Variants in GABRB2 observed in about 807,000 individuals in gnomAD.
The protein encoded by GABRB2 is gamma-aminobutyric acid receptor subunit beta-2.
GABRB2 carries 16 observed loss-of-function variants against 54.7 expected under a neutral mutation model. The ratio of observed to expected loss-of-function variants is 0.29; its 90% confidence interval spans 0.20 to 0.44. The LOEUF is 0.44. GABRB2 is among the 20% of genes least tolerant of loss of function. The pLI is 1.00. For synonymous variants in GABRB2, 244 were observed against 233.8 expected (o/e 1.04, Z -0.40); for missense variants, 355 against 644.0 (o/e 0.55, Z 4.86).
At chr5:161,345,373 A>G (rs1754292786) in intron 5 of GABRB2, among the ~76,000 whole-genome samples, 1 of 152,102 alleles carries the variant, frequency 6.6e-6, no homozygotes, top group Non-Finnish European at 1.5e-5. Flanking sequence ...CAGTTGGGGA[A>G]GTGAGAATTT....
intron 3 of GABRB2, among the ~76,000 whole-genome samples, chr5:161,517,328 T>G (rs1759979966): frequency 6.6e-6 from 1 of 152,178 alleles, no homozygotes; most frequent in Non-Finnish European, 1.5e-5. Flanking sequence ...TAACTCAGAT[T>G]TGAGTTTTTC....
At chr5:161,380,802 A>C (rs1442544014) in intron 5 of GABRB2, among the ~76,000 whole-genome samples, 1 of 152,148 alleles carries the variant, frequency 6.6e-6, no homozygotes, top group Non-Finnish European at 1.5e-5. Flanking sequence ...AGGTGGAAAT[A>C]AAATGGTTGT....
At chr5:161,444,848 T>C (rs760122236) in intron 4 of GABRB2, among the ~76,000 whole-genome samples, 7 of 152,174 alleles carry the variant, frequency 4.6e-5, no homozygotes, top group African/African-American at 9.6e-5. Flanking sequence ...AATGCTTCTC[T>C]TTTTACTCCT....
chr5:161,436,385 T>G (rs775475156), intron 4 of GABRB2, among the ~76,000 whole-genome samples: 3 of 151,828 alleles, frequency 2.0e-5, no homozygotes, highest in Non-Finnish European at 4.4e-5. Context: ...ACAAAAAAAT[T>G]ATCTGGGCAT....
intron 3 of GABRB2, among the ~76,000 whole-genome samples, chr5:161,465,091 G>C (rs1758239822): frequency 6.6e-6 from 1 of 151,876 alleles, no homozygotes; most frequent in African/African-American, 2.4e-5. Context: ...ATAGTCTCTG[G>C]GGTCAGACAC....
intron 9 of GABRB2, among the ~76,000 whole-genome samples, chr5:161,303,422 A>G (rs1757594008): frequency 6.6e-6 from 1 of 152,188 alleles, no homozygotes; most frequent in Admixed American, 6.5e-5. Context: ...TAAAGAATCA[A>G]ATTAATGAAT....
intron 3 of GABRB2, among the ~76,000 whole-genome samples, chr5:161,466,478 A>G (rs893038112): frequency 1.3e-5 from 2 of 152,064 alleles, no homozygotes; most frequent in African/African-American, 2.4e-5. Flanking sequence ...GAATCAACAT[A>G]TTCATTCAAT....
At chr5:161,370,108 A>T (rs1755089902) in intron 5 of GABRB2, among the ~76,000 whole-genome samples, 1 of 152,150 alleles carries the variant, frequency 6.6e-6, no homozygotes, top group South Asian at 2.1e-4. Context: ...AAGAAGAAAA[A>T]CACAAGGTAA....
rs192497340 is a variant in GABRB2, at chr5:161,326,039, C to A, written c.1191+329G>T. Among the ~76,000 whole-genome samples, 461 of 152,154 alleles carry A rather than the reference C, an allele frequency of 3.0e-3. 2 individuals are homozygous for A. Among genetic ancestry groups the A allele is most frequent in the Middle Eastern group, 6.8e-3 (2 of 294 alleles). ...AAGAGTCTGAAAAAAGCAAACACAACAATAAAACTAAGAAATAATGACACT... is the reference window on the plus strand; with the variant it reads ...AAGAGTCTGAAAAAAGCAAACACAAAAATAAAACTAAGAAATAATGACACT... On this transcript the variant is annotated intron_variant, in intron 9 of 9. Transcript: ENST00000393959.
At chr5:161,407,531 G>T (rs1238102111) in intron 5 of GABRB2, among the ~76,000 whole-genome samples, 1 of 151,962 alleles carries the variant, frequency 6.6e-6, no homozygotes, top group African/African-American at 2.4e-5. Context: ...TTCTGTACTA[G>T]AACTCATTCC....
intron 5 of GABRB2, among the ~76,000 whole-genome samples, chr5:161,343,891 C>T (rs1754243210): frequency 6.6e-6 from 1 of 152,040 alleles, no homozygotes. Context: ...ACAGAGTAGG[C>T]CAATGCTTCT....
intron 5 of GABRB2, among the ~76,000 whole-genome samples, chr5:161,410,508 A>T (rs1009881987): frequency 6.6e-6 from 1 of 152,096 alleles, no homozygotes; most frequent in Non-Finnish European, 1.5e-5. Flanking sequence ...AACAGAAAAC[A>T]TTCTATAAAA....
intron 4 of GABRB2, among the ~76,000 whole-genome samples, chr5:161,427,457 C>CTGTCAAGG (rs913210960): frequency 6.6e-6 from 1 of 152,086 alleles, no homozygotes; most frequent in African/African-American, 2.4e-5. Flanking sequence ...ATAGGTTCAC[C>CTGTCAAGG]TGTCAAGGTG....
chr5:161,379,760 T>A (rs1409074032), intron 5 of GABRB2, among the ~76,000 whole-genome samples: 2 of 152,070 alleles, frequency 1.3e-5, no homozygotes. Flanking sequence ...CATTCCTTGG[T>A]TGAAATGAAG....
At chr5:161,490,472 A>G (rs1053483703) in intron 3 of GABRB2, among the ~76,000 whole-genome samples, 5 of 151,686 alleles carry the variant, frequency 3.3e-5, no homozygotes, top group Non-Finnish European at 5.9e-5. Context: ...TAAAATAAGG[A>G]TGAAAAACTC....
chr5:161,501,222 G>A lies in GABRB2; in HGVS notation c.238-41378C>T, dbSNP rs192076598. Among the ~76,000 whole-genome samples, 64 of 151,970 alleles carry A rather than the reference G, an allele frequency of 4.2e-4. 1 individual carries two copies. The highest frequency in any genetic ancestry group is 1.2e-3 in the African/African-American group (51 of 41,458). On this transcript the variant is annotated intron_variant, in intron 3 of 9. Transcript: ENST00000393959. ...AGAAAAAAATCACAAAGAGCTACGC[G>A]CATGTATGAGATTTGCCTTCTAAAA...
chr5:161,486,070 C>A (rs901808918), intron 3 of GABRB2, among the ~76,000 whole-genome samples: 6 of 151,938 alleles, frequency 3.9e-5, no homozygotes, highest in African/African-American at 1.4e-4. Flanking sequence ...TCCCTCTTTG[C>A]TTATGCCTAT....
chr5:161,480,366 A>G (rs1758725742), intron 3 of GABRB2, among the ~76,000 whole-genome samples: 1 of 152,060 alleles, frequency 6.6e-6, no homozygotes, highest in Non-Finnish European at 1.5e-5. Context: ...TTTACACACA[A>G]ATACATAAAT....
At chr5:161,492,722 A>G (rs1458709299) in intron 3 of GABRB2, among the ~76,000 whole-genome samples, 1 of 151,660 alleles carries the variant, frequency 6.6e-6, no homozygotes, top group Non-Finnish European at 1.5e-5. Flanking sequence ...TTTTACATCT[A>G]CACCACAAAA....
Sources: allele counts gnomAD v4.1 joint callset (sites outside exome capture counted in the v4.1 genomes callset), GRCh38; gene constraint gnomAD v4.1.1; transcripts MANE v1.5; gene names NCBI Gene and HGNC (gene_info 2026-07-23, HGNC 2026-07-21).